Variants in GIPC2 observed in about 807,000 individuals in gnomAD.
GIPC2 encodes PDZ domain-containing protein GIPC2.
Under a neutral mutation model 30.6 loss-of-function variants are expected in GIPC2, and 30 were observed. The ratio of observed to expected loss-of-function variants is 0.98; its 90% CI spans 0.73 to 1.33. The LOEUF (loss-of-function observed/expected upper bound fraction) is 1.33, where lower values mean the gene tolerates loss of function less well. GIPC2 is among the 40% of genes most tolerant of loss of function. The pLI, the probability that GIPC2 is intolerant of heterozygous loss-of-function variation, is 0.00. For missense variants in GIPC2, 414 were observed against 390.3 expected (o/e 1.06, Z -0.51); for synonymous variants, 167 against 150.0 (o/e 1.11, Z -0.83).
At chr1:78,109,969 T>C (rs1381787447) in intron 3 of GIPC2, among the ~76,000 whole-genome samples, 2 of 151,156 alleles carry the variant, frequency 1.3e-5, no homozygotes, top group Non-Finnish European at 2.9e-5. Flanking sequence ...TTCTCACTCG[T>C]AGGTGGGAAT....
intron 1 of GIPC2, among the ~76,000 whole-genome samples, chr1:78,047,046 T>C (rs932410091): frequency 1.3e-5 from 2 of 152,232 alleles, no homozygotes; most frequent in African/African-American, 2.4e-5. Flanking sequence ...TCAGCTCTTT[T>C]ACATCGTATC....
chr1:78,125,438 CCGT>C (rs1221748158), intron 4 of GIPC2, among the ~76,000 whole-genome samples: 1 of 152,152 alleles, frequency 6.6e-6, no homozygotes, highest in African/African-American at 2.4e-5. Flanking sequence ...AACTCTCCCA[CCGT>C]GGCCTTCCAA....
At position 78,100,508 on chromosome 1, in the gene GIPC2, C is replaced by T. The variant is rs183812917; in HGVS notation, c.607+5376C>T. ...TTTGTGGCTTCAGGGAGGGAGTATG[C>T]TGTCATTCTTTGAGATGAGGAAAGC... On this transcript the variant is annotated intron_variant, in intron 3 of 5. Transcript: ENST00000370759. Among the ~76,000 whole-genome samples the T allele has an allele frequency of 2.1e-3, 313 of 152,152 alleles. 4 individuals are homozygous for T. Among genetic ancestry groups the T allele is most frequent in the African/African-American group, 6.8e-3 (281 of 41,504 alleles).
At chr1:78,069,086 G>C in intron 1 of GIPC2, 2 of 985,350 alleles carry the variant, frequency 2.0e-6, no homozygotes, top group Middle Eastern at 5.2e-4. Context: ...CTTGGTGAGA[G>C]TAGGGAACAG....
At chr1:78,045,073 T>C, upstream of GIPC2, 1 of 983,694 alleles carries the variant, frequency 1.0e-6, no homozygotes, top group Non-Finnish European at 1.2e-6. Context: ...TTAAGAAGAA[T>C]GAAATGGGCA....
At chr1:78,075,173 A>G (rs1661693948) in intron 1 of GIPC2, among the ~76,000 whole-genome samples, 1 of 152,204 alleles carries the variant, frequency 6.6e-6, no homozygotes, top group Non-Finnish European at 1.5e-5. Flanking sequence ...TACATAAAAG[A>G]GAGCTGTGTG....
chr1:78,080,288 C>G (rs774962020), intron 1 of GIPC2, among the ~76,000 whole-genome samples: 1 of 152,076 alleles, frequency 6.6e-6, no homozygotes, highest in Non-Finnish European at 1.5e-5. Flanking sequence ...ATGGGTGAGA[C>G]CTGAACTCAA....
At chr1:78,066,967 T>C (rs1661524435) in intron 1 of GIPC2, among the ~76,000 whole-genome samples, 3 of 152,104 alleles carry the variant, frequency 2.0e-5, no homozygotes, top group Non-Finnish European at 4.4e-5. Context: ...AAATAATCTG[T>C]ACAACAAACT....
In GIPC2 at chr1:78,135,852, T is replaced by G. The variant is rs1255267502; in HGVS notation, c.*109T>G. On this transcript the variant is annotated 3_prime_UTR_variant, in exon 6 of 6. Coordinates refer to ENST00000370759, the MANE Select transcript of GIPC2 (RefSeq NM_017655.6). ...CACCTTTACTAACTCTGGTTTAATTTCATGTGTATGGAATATATTCTTTGA... is the reference window on the plus strand; with the variant it reads ...CACCTTTACTAACTCTGGTTTAATTGCATGTGTATGGAATATATTCTTTGA... 8.4e-6 allele frequency: 7 copies of G among 835,422 alleles called. No homozygotes were observed. The highest frequency in any genetic ancestry group is 5.2e-5 in the African/African-American group (3 of 57,406). The allele number at this position is 835,422 out of a possible 1,614,324, so 51.8% of individuals were successfully genotyped here. A position where few individuals can be genotyped will look rare whatever the true frequency, so the allele number is the denominator to read the frequency against.
At chr1:78,132,527 A>G (rs1477519900) in intron 5 of GIPC2, among the ~76,000 whole-genome samples, 1 of 152,190 alleles carries the variant, frequency 6.6e-6, no homozygotes, top group African/African-American at 2.4e-5. Flanking sequence ...CCCAAAGCAG[A>G]CATTGCAAGT....
At chr1:78,123,027 A>G (rs1035120093) in intron 4 of GIPC2, among the ~76,000 whole-genome samples, 2 of 152,076 alleles carry the variant, frequency 1.3e-5, no homozygotes, top group Non-Finnish European at 2.9e-5. Context: ...TGGAAGACTG[A>G]TGTGGGTGGG....
At chr1:78,107,497 C>T (rs138652185) in intron 3 of GIPC2, among the ~76,000 whole-genome samples, 1 of 152,112 alleles carries the variant, frequency 6.6e-6, no homozygotes, top group East Asian at 1.9e-4. Flanking sequence ...AAAACAAACA[C>T]ATTAACTTTC....
intron 4 of GIPC2, among the ~76,000 whole-genome samples, chr1:78,121,160 G>C (rs897012848): frequency 1.3e-5 from 2 of 152,168 alleles, no homozygotes; most frequent in African/African-American, 4.8e-5. Flanking sequence ...GACAACTAGA[G>C]GCAAGAAGGG....
At chr1:78,097,484 A>C (rs552966990) in intron 3 of GIPC2, among the ~76,000 whole-genome samples, 1 of 152,344 alleles carries the variant, frequency 6.6e-6, no homozygotes, top group Admixed American at 6.5e-5. Context: ...AGGCATGTGG[A>C]CTATATCCCA....
At chr1:78,120,038 G>A (rs569700965) in intron 4 of GIPC2, among the ~76,000 whole-genome samples, 2 of 152,288 alleles carry the variant, frequency 1.3e-5, no homozygotes, top group South Asian at 2.1e-4. Flanking sequence ...ATCACCTTCT[G>A]TTTAGTCCAC....
chr1:78,078,940 T>G (rs1297672747), intron 1 of GIPC2, among the ~76,000 whole-genome samples: 1 of 152,110 alleles, frequency 6.6e-6, no homozygotes, highest in Non-Finnish European at 1.5e-5. Context: ...AGCTGTTTTC[T>G]ACACATACTC....
rs575921141 is a variant in GIPC2 at position 78,053,395 on chromosome 1, A to G, written c.240+7061A>G. Among the ~76,000 whole-genome samples the G allele has an allele frequency of 1.5e-4, 23 of 152,248 alleles. No individual in the cohort carries two copies. The South Asian group carries it at 2.5e-3, about 17-fold the overall frequency. On this transcript the variant is annotated intron_variant, in intron 1 of 5. Coordinates refer to ENST00000370759, the MANE Select transcript of GIPC2 (RefSeq NM_017655.6). ...CTTTGGACCCTCTCCCAAATCACCTAACACAAGCCCAAATCCTTTGTAATG... is the reference window on the plus strand; with the variant it reads ...CTTTGGACCCTCTCCCAAATCACCTGACACAAGCCCAAATCCTTTGTAATG...
intron 2 of GIPC2, chr1:78,091,929 C>G (rs913627702): frequency 1.6e-5 from 14 of 869,798 alleles, no homozygotes; most frequent in Non-Finnish European, 2.6e-5. Context: ...TAACAACACT[C>G]TGTTCCTGTT....
chr1:78,046,261 G>C lies in GIPC2; in HGVS notation c.167G>C (p.Arg56Pro). 1 of 1,611,358 alleles carries C rather than the reference G, an allele frequency of 6.2e-7. No individual in the cohort carries two copies. The highest frequency in any genetic ancestry group is 8.5e-7 in the Non-Finnish European group (1 of 1,179,262). ...AQLAHGSATG[R>P]VEGFSSIQEL... The stretch of plus-strand genomic sequence containing the variant: ...CTGGCGCACGGTAGTGCCACGGGCC[G>C]AGTGGAGGGCTTCTCCAGCATCCAG... Residue 56 changes from arginine (R) to proline (P), a missense_variant, in exon 1 of 6, where the codon CGA becomes CCA. Arg to Pro is a moderately radical substitution (Grantham distance 103). Transcript: ENST00000370759.
Sources: allele counts gnomAD v4.1 joint callset (sites outside exome capture counted in the v4.1 genomes callset), GRCh38; gene constraint gnomAD v4.1.1; transcripts MANE v1.5; gene names NCBI Gene and HGNC (gene_info 2026-07-23, HGNC 2026-07-21).